The following ATAD1 variants were observed in gnomAD, a reference collection of about 807,000 sequenced individuals.
The protein encoded by ATAD1 is outer mitochondrial transmembrane helix translocase.
ATAD1 carries 18 observed loss-of-function variants against 42.7 expected under a neutral mutation model. The ratio of observed to expected loss-of-function variants is 0.42; its 90% CI spans 0.29 to 0.63. The LOEUF (loss-of-function observed/expected upper bound fraction) is 0.63, where lower values mean the gene tolerates loss of function less well. ATAD1 is among the 20% of genes least tolerant of loss of function. The pLI is 0.19. For missense variants in ATAD1, 294 were observed against 440.4 expected (o/e 0.67, Z 2.98); for synonymous variants, 132 against 143.1 (o/e 0.92, Z 0.55).
intron 2 of ATAD1, among the ~76,000 whole-genome samples, chr10:87,802,635 T>A (rs1487187362): frequency 2.7e-5 from 4 of 147,444 alleles, no homozygotes. Flanking sequence ...AGAGCAAGAC[T>A]ATGTCACGAA....
chr10:87,840,811 A>C (rs1355400611), intron 1 of ATAD1, among the ~76,000 whole-genome samples: 1 of 152,240 alleles, frequency 6.6e-6, no homozygotes, highest in African/African-American at 2.4e-5. Context: ...ATAATGTCCC[A>C]TACCAAAGCG....
At chr10:87,774,793 A>C (rs190531712) in intron 6 of ATAD1, among the ~76,000 whole-genome samples, 1 of 152,256 alleles carries the variant, frequency 6.6e-6, no homozygotes, top group Admixed American at 6.5e-5. Context: ...TCTACAAAAA[A>C]AACACCAAAA....
At chr10:87,828,129 T>A (rs1857762374) in intron 1 of ATAD1, among the ~76,000 whole-genome samples, 2 of 152,060 alleles carry the variant, frequency 1.3e-5, no homozygotes, top group Non-Finnish European at 2.9e-5. Flanking sequence ...GGCTAATTTT[T>A]TTTTTTTAAT....
At chr10:87,795,666 C>T (rs192755642) in intron 2 of ATAD1, among the ~76,000 whole-genome samples, 210 of 151,918 alleles carry the variant, frequency 1.4e-3, no homozygotes, top group African/African-American at 4.8e-3. Flanking sequence ...TCACTTTTTT[C>T]TCCATGCAAA....
intron 2 of ATAD1, among the ~76,000 whole-genome samples, chr10:87,807,195 A>G (rs1000712297): frequency 3.9e-5 from 6 of 152,174 alleles, no homozygotes; most frequent in Non-Finnish European, 8.8e-5. Context: ...TTCCTCTCCT[A>G]TATGTGCATA....
chr10:87,815,891 CT>C (rs1407261825), intron 1 of ATAD1, among the ~76,000 whole-genome samples: 3 of 152,108 alleles, frequency 2.0e-5, no homozygotes, highest in African/African-American at 7.2e-5. Flanking sequence ...CTATAAATAG[CT>C]GGAGTCACTA....
At chr10:87,793,709 A>G (rs1291365602) in intron 2 of ATAD1, among the ~76,000 whole-genome samples, 1 of 152,218 alleles carries the variant, frequency 6.6e-6, no homozygotes, top group African/African-American at 2.4e-5. Context: ...AAATCTATAC[A>G]TAACAAATTC....
Position 87,752,945 on chromosome 10 carries a change from A to T in ATAD1, c.*1742T>A, listed in dbSNP as rs751169082. On this transcript the variant is annotated 3_prime_UTR_variant, in exon 10 of 10. Transcript: ENST00000680024. ...TAATATGTCACCAGATTAAAATTAAATTACTGAAATTCATATTAAAACAGA... is the reference window on the plus strand; with the variant it reads ...TAATATGTCACCAGATTAAAATTAATTTACTGAAATTCATATTAAAACAGA... 2.0e-5 allele frequency: 3 copies of T among 152,192 alleles called. No homozygotes were observed. Among genetic ancestry groups the T allele is most frequent in the Non-Finnish European group, 1.5e-5 (1 of 68,020 alleles). 9.4% of individuals were successfully genotyped at this position (152,192 alleles called of 1,614,324 possible).
intron 8 of ATAD1, chr10:87,759,795 A>G (rs1419807763): frequency 4.4e-6 from 2 of 455,734 alleles, no homozygotes; most frequent in African/African-American, 2.0e-5. Context: ...CAGCTGTAAA[A>G]TAGGACTAAT....
chr10:87,770,730 A>G (rs1054031011), intron 7 of ATAD1, among the ~76,000 whole-genome samples: 1 of 152,132 alleles, frequency 6.6e-6, no homozygotes, highest in Non-Finnish European at 1.5e-5. Flanking sequence ...CAAACTTGAG[A>G]TAACTATATA....
intron 1 of ATAD1, among the ~76,000 whole-genome samples, chr10:87,829,007 T>C (rs529715125): frequency 6.6e-6 from 1 of 152,316 alleles, no homozygotes; most frequent in East Asian, 1.9e-4. Context: ...ATGCACCTGG[T>C]CACTCAAGAG....
chr10:87,767,335 C>A (rs1854802668), intron 8 of ATAD1, among the ~76,000 whole-genome samples: 1 of 151,940 alleles, frequency 6.6e-6, no homozygotes, highest in Non-Finnish European at 1.5e-5. Context: ...AGGAGGGGGG[C>A]ATAGTTTGGG....
At chr10:87,778,200 A>AAC (rs1468141940) in intron 5 of ATAD1, among the ~76,000 whole-genome samples, 59 of 149,572 alleles carry the variant, frequency 3.9e-4, no homozygotes, top group African/African-American at 1.4e-3. Flanking sequence ...AAAAAAAAAA[A>AAC]CTCAAGGCAG....
In ATAD1 at chr10:87,752,039, G is replaced by C. The variant is rs2131738423; in HGVS notation, c.*2648C>G. 6.6e-6 allele frequency: 1 copy of C among 152,262 alleles called. No homozygotes were observed. Among genetic ancestry groups the C allele is most frequent in the Non-Finnish European group, 1.5e-5 (1 of 68,022 alleles). The allele number at this position is 152,262 out of a possible 1,614,324, so 9.4% of individuals were successfully genotyped here. A position where few individuals can be genotyped will look rare whatever the true frequency, so the allele number is the denominator to read the frequency against. On this transcript the variant is annotated 3_prime_UTR_variant, in exon 10 of 10. Coordinates refer to ENST00000680024, the MANE Select transcript of ATAD1 (RefSeq NM_001321967.2). ...AGTTACAGCTACTAAATAATGTTAA[G>C]CTATTATGATGCATACAGAATAGAG...
At chr10:87,824,041 A>C (rs1253427003) in intron 1 of ATAD1, among the ~76,000 whole-genome samples, 2 of 150,894 alleles carry the variant, frequency 1.3e-5, no homozygotes, top group Non-Finnish European at 2.9e-5. Flanking sequence ...TTTGGTTAGC[A>C]CTGGCATAGT....
intron 1 of ATAD1, among the ~76,000 whole-genome samples, chr10:87,826,301 AC>A (rs1169351347): frequency 6.6e-6 from 1 of 152,182 alleles, no homozygotes; most frequent in African/African-American, 2.4e-5. Context: ...GATTTCACAA[AC>A]CTTTCTACTT....
At chr10:87,755,188 C>T (rs1020753212) in intron 9 of ATAD1, among the ~76,000 whole-genome samples, 1 of 152,144 alleles carries the variant, frequency 6.6e-6, no homozygotes, top group Non-Finnish European at 1.5e-5. Flanking sequence ...TAAAAAATCA[C>T]GTTATTCCCA....
At chr10:87,782,216 G>C (rs1855598288) in intron 5 of ATAD1, among the ~76,000 whole-genome samples, 1 of 152,176 alleles carries the variant, frequency 6.6e-6, no homozygotes, top group Non-Finnish European at 1.5e-5. Context: ...AGATTAGAAT[G>C]CAGTGGAATT....
chr10:87,790,928 T>C (rs1449082458), intron 3 of ATAD1, among the ~76,000 whole-genome samples: 1 of 148,708 alleles, frequency 6.7e-6, no homozygotes, highest in African/African-American at 2.5e-5. Flanking sequence ...CTCACGCCTG[T>C]AATCCAGCAC....
Sources: allele counts gnomAD v4.1 joint callset (sites outside exome capture counted in the v4.1 genomes callset), GRCh38; gene constraint gnomAD v4.1.1; transcripts MANE v1.5; gene names NCBI Gene and HGNC (gene_info 2026-07-23, HGNC 2026-07-21).